Variants in AGBL4 observed in about 807,000 individuals in gnomAD.
AGBL4 encodes cytosolic carboxypeptidase 6.
A neutral mutation model predicts 66.4 loss-of-function variants in AGBL4; 58 were observed. That is an observed-to-expected ratio of 0.87 (90% CI 0.71 to 1.09). The LOEUF (loss-of-function observed/expected upper bound fraction) is 1.09, where lower values mean the gene tolerates loss of function less well. Ranked by LOEUF, AGBL4 falls within the 50% of genes least tolerant of loss-of-function variation. AGBL4 has a pLI of 0.00. For synonymous variants in AGBL4, 234 were observed against 222.9 expected, an observed-to-expected ratio of 1.05 and a Z score of -0.44; for missense variants, 579 against 631.0, an observed-to-expected ratio of 0.92 and a Z score of 0.88.
chr1:49,480,648 T>A (rs1646937631), intron 3 of AGBL4, among the ~76,000 whole-genome samples: 1 of 152,128 alleles, frequency 6.6e-6, no homozygotes, highest in South Asian at 2.1e-4. Flanking sequence ...TTTAATCAGG[T>A]CCCACTTGTC....
At chr1:49,169,920 G>A (rs140664955) in intron 4 of AGBL4, among the ~76,000 whole-genome samples, 444 of 152,128 alleles carry the variant, frequency 2.9e-3, no homozygotes, top group Non-Finnish European at 5.1e-3. Context: ...TTATAAGTGG[G>A]AGCTAAGCAA....
At chr1:48,768,815 C>T (rs1242542588) in intron 6 of AGBL4, among the ~76,000 whole-genome samples, 2 of 152,148 alleles carry the variant, frequency 1.3e-5, no homozygotes, top group East Asian at 1.9e-4. Flanking sequence ...ATACAAAAAT[C>T]CTGTGCAGTT....
chr1:48,949,187 C>T (rs1053234136), intron 5 of AGBL4, among the ~76,000 whole-genome samples: 1 of 152,136 alleles, frequency 6.6e-6, no homozygotes, highest in Non-Finnish European at 1.5e-5. Context: ...GTCCCACATG[C>T]CACACCTCCA....
At chr1:49,335,090 G>C (rs1645407290) in intron 3 of AGBL4, among the ~76,000 whole-genome samples, 2 of 152,178 alleles carry the variant, frequency 1.3e-5, no homozygotes, top group Admixed American at 6.5e-5. Flanking sequence ...AGGCATCTTA[G>C]ACTTCATATG....
intron 4 of AGBL4, among the ~76,000 whole-genome samples, chr1:49,189,237 T>C (rs1379768288): frequency 6.6e-6 from 1 of 152,162 alleles, no homozygotes; most frequent in Non-Finnish European, 1.5e-5. Flanking sequence ...ATAATGTCCT[T>C]TTAGCTACCT....
chr1:48,818,461 G>A (rs546499594), intron 6 of AGBL4, among the ~76,000 whole-genome samples: 114 of 152,222 alleles, frequency 7.5e-4, no homozygotes, highest in Non-Finnish European at 7.6e-4. Flanking sequence ...TAAAGGCCCT[G>A]ATTTTCACAA....
At chr1:49,925,190 T>C (rs554924374) in intron 1 of AGBL4, among the ~76,000 whole-genome samples, 1 of 152,284 alleles carries the variant, frequency 6.6e-6, no homozygotes, top group South Asian at 2.1e-4. Context: ...GCAACTTGGA[T>C]GTCAACTTAG....
intron 4 of AGBL4, among the ~76,000 whole-genome samples, chr1:49,186,329 T>C (rs915564762): frequency 1.3e-5 from 2 of 152,104 alleles, no homozygotes; most frequent in South Asian, 4.1e-4. Flanking sequence ...CCTCCAACAA[T>C]GGGAAAATAA....
At chr1:49,795,233 G>A (rs1644701073) in intron 2 of AGBL4, among the ~76,000 whole-genome samples, 1 of 151,776 alleles carries the variant, frequency 6.6e-6, no homozygotes, top group Non-Finnish European at 1.5e-5. Flanking sequence ...TAAAGTATAT[G>A]AGGACTTTCA....
chr1:48,913,497 TCAA>T (rs1653324713), intron 5 of AGBL4, among the ~76,000 whole-genome samples: 1 of 152,128 alleles, frequency 6.6e-6, no homozygotes, highest in East Asian at 1.9e-4. Flanking sequence ...TCCTGTCAGA[TCAA>T]CAGCAGCCTT....
chr1:48,693,956 T>C (rs1570273233), intron 6 of AGBL4, among the ~76,000 whole-genome samples: 1 of 149,548 alleles, frequency 6.7e-6, no homozygotes. Flanking sequence ...GCATGGGCTA[T>C]ACTCAACCAA....
chr1:49,250,829 C>A (rs934124205), intron 3 of AGBL4, among the ~76,000 whole-genome samples: 28 of 152,210 alleles, frequency 1.8e-4, no homozygotes, highest in African/African-American at 6.5e-4. Flanking sequence ...AGGAGGAGAA[C>A]CCTTGACCAC....
intron 4 of AGBL4, among the ~76,000 whole-genome samples, chr1:49,219,530 T>C (rs911762385): frequency 6.6e-6 from 1 of 152,158 alleles, no homozygotes; most frequent in Non-Finnish European, 1.5e-5. Context: ...TAATGCATGA[T>C]ACACATAAGG....
intron 4 of AGBL4, among the ~76,000 whole-genome samples, chr1:49,134,247 A>C (rs1645960118): frequency 6.6e-6 from 1 of 152,168 alleles, no homozygotes; most frequent in Admixed American, 6.6e-5. Context: ...CCACGAGGTC[A>C]GGGTGAAACT....
chr1:49,254,175 G>T (rs1489992471), intron 3 of AGBL4, among the ~76,000 whole-genome samples: 1 of 152,050 alleles, frequency 6.6e-6, no homozygotes, highest in African/African-American at 2.4e-5. Context: ...AGGGCAATCA[G>T]GCAAGAGAAA....
intron 9 of AGBL4, among the ~76,000 whole-genome samples, chr1:48,607,824 C>G (rs548703137): frequency 1.3e-5 from 2 of 152,244 alleles, no homozygotes; most frequent in South Asian, 4.2e-4. Context: ...GTCCTGACTC[C>G]GAGTCAATCC....
chr1:48,773,673 A>G (rs926262003), intron 6 of AGBL4, among the ~76,000 whole-genome samples: 2 of 152,194 alleles, frequency 1.3e-5, no homozygotes, highest in South Asian at 2.1e-4. Flanking sequence ...TGATGGGAAC[A>G]TCGGCTACTT....
intron 3 of AGBL4, among the ~76,000 whole-genome samples, chr1:49,379,679 A>G (rs1644552042): frequency 6.6e-6 from 1 of 152,082 alleles, no homozygotes; most frequent in Non-Finnish European, 1.5e-5. Context: ...GCTGGATTAC[A>G]TTTATTGATT....
intron 1 of AGBL4, among the ~76,000 whole-genome samples, chr1:49,950,043 C>CACACACATATGTGTGTGTGTATATATAT (rs1557611883): frequency 7.2e-6 from 1 of 139,790 alleles, no homozygotes; most frequent in Non-Finnish European, 1.5e-5. Flanking sequence ...TATATATATA[C>CACACACATATGTGTGTGTGTATATATAT]ACATATGTGT....
Sources: allele counts gnomAD v4.1 joint callset (sites outside exome capture counted in the v4.1 genomes callset), GRCh38; gene constraint gnomAD v4.1.1; transcripts MANE v1.5; gene names NCBI Gene and HGNC (gene_info 2026-07-23, HGNC 2026-07-21).